The following SUGCT variants were observed in gnomAD, a reference collection of about 807,000 sequenced individuals.
SUGCT encodes succinyl-CoA:glutarate CoA-transferase.
Under a neutral mutation model 55.0 loss-of-function variants are expected in SUGCT, and 41 were observed. That is an observed-to-expected ratio of 0.74 (90% CI 0.58 to 0.97). The LOEUF (loss-of-function observed/expected upper bound fraction) is 0.97. Ranked by LOEUF, SUGCT falls within the 50% of genes least tolerant of loss-of-function variation. SUGCT has a pLI of 0.00. For synonymous variants in SUGCT, 187 were observed against 200.4 expected (o/e 0.93, Z 0.56); for missense variants, 568 against 547.8 (o/e 1.04, Z -0.37).
At chr7:40,786,848 G>A (rs1460286532) in intron 13 of SUGCT, among the ~76,000 whole-genome samples, 1 of 152,058 alleles carries the variant, frequency 6.6e-6, no homozygotes, top group Non-Finnish European at 1.5e-5. Flanking sequence ...TCCCAGGTTG[G>A]GCACAGGTGA....
the SUGCT span, among the ~76,000 whole-genome samples, chr7:40,904,104 C>T: frequency 6.6e-6 from 1 of 152,028 alleles, no homozygotes; most frequent in African/African-American, 2.4e-5. Flanking sequence ...TAGCCCCTTT[C>T]AGCAACTCAT....
At chr7:40,933,304 TG>T in the SUGCT span, among the ~76,000 whole-genome samples, 1 of 152,222 alleles carries the variant, frequency 6.6e-6, no homozygotes, top group Non-Finnish European at 1.5e-5. Context: ...AGAGATCTGC[TG>T]TTAGTCTGAT....
intron 11 of SUGCT, among the ~76,000 whole-genome samples, chr7:40,491,719 G>T (rs1791694034): frequency 6.6e-6 from 1 of 152,050 alleles, no homozygotes. Context: ...GGCCGGGTGT[G>T]GTGGCTCATG....
intron 6 of SUGCT, among the ~76,000 whole-genome samples, chr7:40,212,660 G>A (rs550897804): frequency 1.8e-4 from 28 of 152,072 alleles, no homozygotes; most frequent in African/African-American, 5.8e-4. Flanking sequence ...TCAGCTTCCC[G>A]AGTAGCTGGG....
intron 12 of SUGCT, among the ~76,000 whole-genome samples, chr7:40,724,840 C>T: frequency 6.6e-6 from 1 of 151,932 alleles, no homozygotes; most frequent in East Asian, 1.9e-4. Context: ...AAATTAGAAA[C>T]AGATAAAACT....
chr7:40,711,950 G>A (rs1785747166), intron 12 of SUGCT, among the ~76,000 whole-genome samples: 4 of 152,186 alleles, frequency 2.6e-5, no homozygotes, highest in Non-Finnish European at 4.4e-5. Flanking sequence ...CGTGGCAGAG[G>A]TGTTCACATC....
the SUGCT span, among the ~76,000 whole-genome samples, chr7:40,875,881 A>ACCTTTTCT: frequency 2.6e-5 from 4 of 152,266 alleles, no homozygotes; most frequent in East Asian, 7.7e-4. Flanking sequence ...AGTTTGCCTC[A>ACCTTTTCT]CCTTTTCTTA....
At chr7:41,023,604 C>T in the SUGCT span, among the ~76,000 whole-genome samples, 34 of 152,222 alleles carry the variant, frequency 2.2e-4, no homozygotes, top group South Asian at 8.3e-4. Context: ...TTGTAAGGAG[C>T]GATGGACAAA....
chr7:40,323,561 TA>T (rs1320359363), intron 9 of SUGCT, among the ~76,000 whole-genome samples: 1 of 152,106 alleles, frequency 6.6e-6, no homozygotes, highest in East Asian at 1.9e-4. Context: ...CCCAGCTATT[TA>T]AAAAGTTTTT....
intron 12 of SUGCT, among the ~76,000 whole-genome samples, chr7:40,683,635 T>G (rs1784346724): frequency 6.6e-6 from 1 of 152,178 alleles, no homozygotes; most frequent in Admixed American, 6.5e-5. Context: ...ATTGCTTGAC[T>G]CTCAGTTGAC....
At chr7:40,966,341 A>G in the SUGCT span, 70,245 of 152,048 alleles carry the variant, frequency 0.46, 17,001 homozygotes, top group African/African-American at 0.61. Flanking sequence ...CAAAGCTGTT[A>G]CATATCATCC....
intron 9 of SUGCT, among the ~76,000 whole-genome samples, chr7:40,447,961 T>C (rs920964096): frequency 1.3e-5 from 2 of 152,126 alleles, no homozygotes; most frequent in Admixed American, 1.3e-4. Flanking sequence ...TGTGATCATA[T>C]GTGGAGAAAG....
intron 6 of SUGCT, among the ~76,000 whole-genome samples, chr7:40,210,621 A>T (rs932709280): frequency 6.6e-6 from 1 of 152,196 alleles, no homozygotes; most frequent in African/African-American, 2.4e-5. Context: ...GAGCCCTTAC[A>T]GATGGAACGA....
At chr7:40,215,259 C>T (rs1393988268) in intron 6 of SUGCT, among the ~76,000 whole-genome samples, 1 of 152,234 alleles carries the variant, frequency 6.6e-6, no homozygotes, top group African/African-American at 2.4e-5. Context: ...CTTCCTACCT[C>T]GGCCTCCCAA....
chr7:40,590,312 A>G (rs1207147202), intron 12 of SUGCT, among the ~76,000 whole-genome samples: 4 of 152,136 alleles, frequency 2.6e-5, no homozygotes, highest in Non-Finnish European at 5.9e-5. Flanking sequence ...TGAAGTGTTC[A>G]AGTGAAAGGA....
At chr7:40,520,086 A>G (rs1157311055) in intron 12 of SUGCT, among the ~76,000 whole-genome samples, 4 of 152,102 alleles carry the variant, frequency 2.6e-5, no homozygotes, top group Non-Finnish European at 5.9e-5. Flanking sequence ...ACAATGGGAA[A>G]CTGGCTTTAC....
At chr7:40,272,392 G>A (rs1792126106) in intron 7 of SUGCT, among the ~76,000 whole-genome samples, 1 of 149,206 alleles carries the variant, frequency 6.7e-6, no homozygotes, top group South Asian at 2.1e-4. Flanking sequence ...CACCCAGGCT[G>A]TTCTTGAACT....
chr7:40,950,942 A>C, the SUGCT span, among the ~76,000 whole-genome samples: 2,318 of 151,910 alleles, frequency 0.015, 59 homozygotes, highest in African/African-American at 0.052. Flanking sequence ...TGTCTCTGCC[A>C]GGCTTTGGTA....
At chr7:41,034,866 C>T in the SUGCT span, among the ~76,000 whole-genome samples, 1 of 152,186 alleles carries the variant, frequency 6.6e-6, no homozygotes, top group Non-Finnish European at 1.5e-5. Context: ...GGGGGTATCA[C>T]TTAATAAGGC....
Sources: gnomAD v4.1 joint callset for allele counts (sites outside exome capture counted in the v4.1 genomes callset) on GRCh38, gnomAD v4.1.1 for gene constraint, MANE v1.5 for transcripts, NCBI Gene and HGNC (gene_info 2026-07-23, HGNC 2026-07-21) for gene names.